KIF16B: variants seen among roughly 807,000 people sequenced by gnomAD.
The protein encoded by KIF16B is kinesin-like protein KIF16B.
KIF16B carries 98 observed loss-of-function variants against 156.3 expected under a neutral mutation model. The observed-to-expected ratio is 0.63, with a 90% CI of 0.53 to 0.74. The LOEUF (loss-of-function observed/expected upper bound fraction) is 0.74. Among genes scored for constraint, KIF16B ranks in the 30% least tolerant of loss-of-function variants. KIF16B has a pLI of 0.00. For synonymous variants in KIF16B, 564 were observed against 583.7 expected (o/e 0.97, Z 0.49); for missense variants, 1,421 against 1,606.5 (o/e 0.88, Z 1.97).
intron 17 of KIF16B, among the ~76,000 whole-genome samples, chr20:16,399,575 G>A (rs2146225286): frequency 6.6e-6 from 1 of 152,294 alleles, no homozygotes; most frequent in East Asian, 1.9e-4. Flanking sequence ...CATCTTCCAA[G>A]TGGAGAAATA....
At chr20:16,479,354 G>T (rs2067912572) in intron 12 of KIF16B, among the ~76,000 whole-genome samples, 2 of 152,102 alleles carry the variant, frequency 1.3e-5, no homozygotes, top group East Asian at 3.9e-4. Context: ...GCTGGGGACT[G>T]GAGGCGGCGG....
At chr20:16,556,473 T>C (rs914056497) in intron 1 of KIF16B, among the ~76,000 whole-genome samples, 3 of 152,194 alleles carry the variant, frequency 2.0e-5, no homozygotes, top group Admixed American at 6.5e-5. Context: ...ACTGTATACA[T>C]CCATGCCTCT....
At chr20:16,308,354 G>A (rs2180445) in intron 25 of KIF16B, among the ~76,000 whole-genome samples, 46,958 of 152,134 alleles carry the variant, frequency 0.31, 7,853 homozygotes, top group East Asian at 0.58. Flanking sequence ...CTGAATAACT[G>A]GAATGGCATT....
At chr20:16,514,223 G>A (rs1351801292) in intron 4 of KIF16B, among the ~76,000 whole-genome samples, 4 of 151,968 alleles carry the variant, frequency 2.6e-5, no homozygotes, top group Non-Finnish European at 5.9e-5. Context: ...CAAAGGCACA[G>A]TAGGAAAGGA....
chr20:16,343,942 T>TA (rs932468569), intron 23 of KIF16B, among the ~76,000 whole-genome samples: 1 of 152,152 alleles, frequency 6.6e-6, no homozygotes, highest in Non-Finnish European at 1.5e-5. Context: ...TCTATACAGA[T>TA]AAAAATCAAT....
At chr20:16,497,556 C>A in intron 11 of KIF16B, 57 bp downstream of exon 11, 1 of 1,336,140 alleles carries the variant, frequency 7.5e-7, no homozygotes, top group Non-Finnish European at 1.1e-6. Flanking sequence ...AAAAAGCATG[C>A]ACTTAAAATA....
intron 22 of KIF16B, among the ~76,000 whole-genome samples, chr20:16,358,248 C>T (rs550947445): frequency 1.4e-4 from 22 of 152,272 alleles, no homozygotes; most frequent in Admixed American, 2.6e-4. Context: ...GTCACACATA[C>T]ACCTGTGAGG....
At chr20:16,553,224 G>A (rs2070729918) in intron 1 of KIF16B, among the ~76,000 whole-genome samples, 1 of 152,186 alleles carries the variant, frequency 6.6e-6, no homozygotes, top group Non-Finnish European at 1.5e-5. Context: ...TGCCAGCCTT[G>A]TCTGTTGGCT....
rs766313563 is a variant in KIF16B at position 16,371,708 on chromosome 20, C to T, written c.3404G>A (p.Arg1135His). Residue 1135 changes from arginine to histidine, a missense_variant, in exon 21 of 26, where the codon CGT becomes CAT. By Grantham distance (29) the Arg-to-His change is conservative. Coordinates refer to ENST00000354981, the MANE Select transcript of KIF16B (RefSeq NM_024704.5). ...EVQRRLQDLH[R>H]VISEGCSTSA... ...TGTACTGCAGCCTTCACTAATCACA[C>T]GATGCAAATCCTGAAGGCGTCTTTG... 26 of 1,613,838 alleles carry T rather than the reference C, an allele frequency of 1.6e-5. No individual in the cohort carries two copies. The East Asian group carries it at 2.0e-4, about 12-fold the overall frequency.
chr20:16,564,245 C>A (rs1012231286), intron 1 of KIF16B, among the ~76,000 whole-genome samples: 8 of 152,288 alleles, frequency 5.3e-5, no homozygotes, highest in African/African-American at 1.9e-4. Flanking sequence ...TCACCCATGT[C>A]CCTACAAAGG....
intron 11 of KIF16B, among the ~76,000 whole-genome samples, chr20:16,495,341 A>C (rs530608107): frequency 6.6e-6 from 1 of 152,348 alleles, no homozygotes; most frequent in South Asian, 2.1e-4. Flanking sequence ...CTCACTGCTA[A>C]GATAAACTGA....
chr20:16,324,665 T>A (rs1031317033), intron 24 of KIF16B, among the ~76,000 whole-genome samples: 2 of 151,994 alleles, frequency 1.3e-5, no homozygotes, highest in African/African-American at 4.8e-5. Flanking sequence ...ATCTTTTAGA[T>A]CTGGTGCTTT....
rs544864412 is a variant in KIF16B, at chr20:16,541,788, C to A, written c.48-13348G>T. The stretch of plus-strand genomic sequence containing the variant: ...GGAGAAGTGGAGCTGCAGCACCGAC[C>A]CATGGACAGCCTTGGCCAACTCCAC... On this transcript the variant is annotated intron_variant, in intron 1 of 25. Transcript: ENST00000354981. Among the ~76,000 whole-genome samples, 8 of 152,326 alleles carry A rather than the reference C, an allele frequency of 5.3e-5. No individual in the cohort carries two copies. In the South Asian group the frequency reaches 6.2e-4, roughly 12 times the overall value.
chr20:16,323,678 G>A (rs1474981455), intron 24 of KIF16B, among the ~76,000 whole-genome samples: 1 of 151,902 alleles, frequency 6.6e-6, no homozygotes, highest in East Asian at 1.9e-4. Context: ...CATCTCTTCT[G>A]ACCCTAGACC....
At chr20:16,349,031 G>A (rs1486699783) in intron 23 of KIF16B, among the ~76,000 whole-genome samples, 2 of 152,164 alleles carry the variant, frequency 1.3e-5, no homozygotes, top group African/African-American at 2.4e-5. Context: ...AGAAGTACAG[G>A]TGAAACCCAG....
At chr20:16,360,424 T>A (rs1169671370) in intron 22 of KIF16B, among the ~76,000 whole-genome samples, 1 of 152,164 alleles carries the variant, frequency 6.6e-6, no homozygotes, top group Non-Finnish European at 1.5e-5. Flanking sequence ...CCATCACAGT[T>A]TCCCTATATG....
intron 25 of KIF16B, among the ~76,000 whole-genome samples, chr20:16,300,810 T>C (rs561021714): frequency 2.6e-5 from 4 of 152,310 alleles, no homozygotes; most frequent in South Asian, 4.1e-4. Flanking sequence ...GCATATTTGT[T>C]AGGACTGATG....
rs1568909903 is a variant in KIF16B at position 16,378,978 on chromosome 20, G to C, written c.3024C>G (p.Ala1008=). The C allele has an allele frequency of 6.2e-7, 1 of 1,614,072 alleles. No homozygotes were observed. The highest frequency in any genetic ancestry group is 8.5e-7 in the Non-Finnish European group (1 of 1,179,982). Residue 1008 remains alanine (A), a synonymous_variant, in exon 19 of 26, where the codon GCC becomes GCG. Transcript: ENST00000354981. ...EKQQREALER[A]LARLERRHSA... ...AATGTCTCCTCTCCAGCCTGGCCAG[G>C]GCCCGCTCCAGCGCCTCTCTCTGCT...
Position 16,321,289 on chromosome 20 carries a change from T to C in KIF16B, c.3712-8871A>G, listed in dbSNP as rs77405539. 4.7e-3 allele frequency among the ~76,000 whole-genome samples: 709 copies of C among 152,272 alleles called. 6 individuals carry two copies. Among genetic ancestry groups the C allele is most frequent in the African/African-American group, 0.016 (647 of 41,568 alleles). On this transcript the variant is annotated intron_variant, in intron 24 of 25. Transcript: ENST00000354981. ...TATAAATGAACATGCATCATTTTTA[T>C]AGAAACAGTAAAAAGTGATTATTCT...
Sources: gnomAD v4.1 joint callset for allele counts (sites outside exome capture counted in the v4.1 genomes callset) on GRCh38, gnomAD v4.1.1 for gene constraint, MANE v1.5 for transcripts, NCBI Gene and HGNC (gene_info 2026-07-23, HGNC 2026-07-21) for gene names.